Variants in DERPC observed in about 807,000 individuals in gnomAD.
DERPC encodes the protein DERPC proline and glycine rich nuclear protein.
Under a neutral mutation model 7.2 loss-of-function variants are expected in DERPC, and 1 was observed. The observed-to-expected ratio is 0.14, with a 90% CI of 0.05 to 0.66. The LOEUF is 0.66. Among genes scored for constraint, DERPC ranks in the 30% least tolerant of loss-of-function variants. The pLI, the probability that DERPC is intolerant of heterozygous loss-of-function variation, is 0.84. For missense variants in DERPC, 502 were observed against 299.4 expected, an observed-to-expected ratio of 1.68 and a Z score of -4.99; for synonymous variants, 185 against 117.6, an observed-to-expected ratio of 1.57 and a Z score of -3.71.
In DERPC at chr16:69,118,727, C is replaced by G. The variant is rs1366945577; in HGVS notation, c.*127G>C. On this transcript the variant is annotated 3_prime_UTR_variant, in exon 3 of 3. Coordinates refer to ENST00000519520, the MANE Select transcript of DERPC (RefSeq NM_001002847.4). Reference sequence around the variant, plus strand: ...AAAAACGCAAAGGAAAAAGATGGCTCATTTGAACTTGAGCCCAAGCTATGT... The same window carrying G: ...AAAAACGCAAAGGAAAAAGATGGCTGATTTGAACTTGAGCCCAAGCTATGT... The G allele has an allele frequency of 1.6e-6, 1 of 642,006 alleles. No homozygotes were observed. The highest frequency in any genetic ancestry group is 2.8e-6 in the Non-Finnish European group (1 of 357,980). 39.8% of individuals were successfully genotyped at this position (642,006 alleles called of 1,614,324 possible). A position where few individuals can be genotyped will look rare whatever the true frequency, so the allele number is the denominator to read the frequency against.
chr16:69,125,396 T>A (rs189854086), intron 1 of DERPC, among the ~76,000 whole-genome samples: 10 of 152,304 alleles, frequency 6.6e-5, no homozygotes, highest in Admixed American at 2.6e-4. Flanking sequence ...CACTTGCTTG[T>A]ATGTTGGACA....
intron 1 of DERPC, among the ~76,000 whole-genome samples, chr16:69,125,181 G>C (rs1961968967): frequency 1.3e-5 from 2 of 152,140 alleles, no homozygotes; most frequent in African/African-American, 4.8e-5. Flanking sequence ...TGAGATTACA[G>C]GCTTGAGTCA....
At chr16:69,127,595 C>T (rs1322355443) in intron 1 of DERPC, among the ~76,000 whole-genome samples, 5 of 149,066 alleles carry the variant, frequency 3.4e-5, no homozygotes, top group Non-Finnish European at 4.4e-5. Context: ...AGAGCTCTCC[C>T]GGCAACTTTT....
At position 69,118,296 on chromosome 16, in the gene DERPC, A is replaced by G. The variant is rs1961317165; in HGVS notation, c.*558T>C. 1 of 1,102,560 alleles carries G rather than the reference A, an allele frequency of 9.1e-7. No homozygotes were observed. Among genetic ancestry groups the G allele is most frequent in the Non-Finnish European group, 1.4e-6 (1 of 715,206 alleles). The allele number at this position is 1,102,560 out of a possible 1,614,324, so 68.3% of individuals were successfully genotyped here. A position where few individuals can be genotyped will look rare whatever the true frequency, so the allele number is the denominator to read the frequency against. ...TGCAGGCCCAGTCAGTCAAGCAGAA[A>G]CTGCATTCGGTGGGTCTTTCTTTGA... On this transcript the variant is annotated 3_prime_UTR_variant, in exon 3 of 3. Transcript: ENST00000519520.
In DERPC at chr16:69,129,381, C is replaced by T. The variant is rs371575724; in HGVS notation, c.-280+3103G>A. Among the ~76,000 whole-genome samples the T allele has an allele frequency of 2.1e-4, 27 of 129,520 alleles. No individual in the cohort carries two copies. The East Asian group carries it at 6.0e-3, about 29-fold the overall frequency. 85.0% of individuals were successfully genotyped at this position (129,520 alleles called of 152,430 possible). On this transcript the variant is annotated intron_variant, in intron 1 of 2. Coordinates refer to ENST00000519520, the MANE Select transcript of DERPC (RefSeq NM_001002847.4). ...GGAGGCAGAGGTTGCAGTGAGCCGA[C>T]ATCACGCCACTGCACTCCAGCCTAG... is the stretch of plus-strand genomic sequence containing the variant.
Position 69,118,511 on chromosome 16 carries a change from C to A in DERPC, c.*343G>T. Reference sequence around the variant, plus strand: ...GGGACTACATGTGAACTGGGACCTGCAGGCCAATGTATCCCTGAGGAAAAG... The same window carrying A: ...GGGACTACATGTGAACTGGGACCTGAAGGCCAATGTATCCCTGAGGAAAAG... On this transcript the variant is annotated 3_prime_UTR_variant, in exon 3 of 3. Coordinates refer to ENST00000519520, the MANE Select transcript of DERPC (RefSeq NM_001002847.4). 1 of 1,060,436 alleles carries A rather than the reference C, an allele frequency of 9.4e-7. No individual in the cohort carries two copies. Among genetic ancestry groups the A allele is most frequent in the Non-Finnish European group, 1.5e-6 (1 of 674,282 alleles). 65.7% of individuals were successfully genotyped at this position (1,060,436 alleles called of 1,614,324 possible). A position where few individuals can be genotyped will look rare whatever the true frequency, so the allele number is the denominator to read the frequency against.
chr16:69,130,292 A>C (rs1354771481), intron 1 of DERPC, among the ~76,000 whole-genome samples: 1 of 151,728 alleles, frequency 6.6e-6, no homozygotes, highest in African/African-American at 2.4e-5. Context: ...TAATAAAGCT[A>C]AACAACGTTT....
chr16:69,129,664 T>C (rs1278041177), intron 1 of DERPC, among the ~76,000 whole-genome samples: 2 of 152,160 alleles, frequency 1.3e-5, no homozygotes, highest in African/African-American at 4.8e-5. Context: ...AGTGGAGAGC[T>C]GGGATATGAA....
Position 69,132,497 on chromosome 16 carries a change from C to A in DERPC, c.-293G>T. On this transcript the variant is annotated 5_prime_UTR_variant, in exon 1 of 3. Transcript: ENST00000519520. ...CCGCGGCCTGACCTGCAATGGCGGCCGCCGAGCGCGGCGCCGCGCGGCCAA... is the reference window on the plus strand; with the variant it reads ...CCGCGGCCTGACCTGCAATGGCGGCAGCCGAGCGCGGCGCCGCGCGGCCAA... The A allele has an allele frequency of 3.7e-6, 1 of 267,286 alleles. No homozygotes were observed. Among genetic ancestry groups the A allele is most frequent in the Non-Finnish European group, 7.2e-6 (1 of 139,296 alleles). 16.6% of individuals were successfully genotyped at this position (267,286 alleles called of 1,614,324 possible).
At chr16:69,121,017 C>T (rs1271933024) in intron 2 of DERPC, 3 of 1,576,026 alleles carry the variant, frequency 1.9e-6, no homozygotes, top group South Asian at 2.2e-5. Flanking sequence ...GCTTGCTTTC[C>T]TGAGGCATTA....
chr16:69,132,004 C>CTA (rs950722049), intron 1 of DERPC: 3 of 153,092 alleles, frequency 2.0e-5, no homozygotes, highest in Admixed American at 1.3e-4. Context: ...CCGCTACTTC[C>CTA]TAGGTTCCAG....
chr16:69,121,276 G>A, intron 2 of DERPC, 160 bp downstream of exon 2: 5 of 1,299,972 alleles, frequency 3.8e-6, no homozygotes, highest in Non-Finnish European at 4.3e-6. Context: ...TGGATGTCAA[G>A]TTCTTGGGAA....
intron 1 of DERPC, among the ~76,000 whole-genome samples, chr16:69,123,665 C>A (rs996071463): frequency 2.6e-5 from 4 of 152,166 alleles, no homozygotes; most frequent in Admixed American, 2.0e-4. Context: ...ATCAATCAAT[C>A]AATAAATCCA....
chr16:69,129,037 C>T (rs1377175899), intron 1 of DERPC, among the ~76,000 whole-genome samples: 1 of 151,862 alleles, frequency 6.6e-6, no homozygotes, highest in African/African-American at 2.4e-5. Flanking sequence ...GCACTCTAGC[C>T]TGGGTGACAG....
rs759649969 is a variant in DERPC, at chr16:69,120,048, G to GGGGCCT, written c.375_380dup (p.Gly126_Pro127dup). On this transcript the variant is annotated inframe_insertion, in exon 3 of 3. Coordinates refer to ENST00000519520, the MANE Select transcript of DERPC (RefSeq NM_001002847.4). This position sits in a 1 kb window ranked among gnomAD's most constrained non-coding sequence, Gnocchi z 4.0. Reference sequence around the variant, plus strand: ...GAGCCCCTGTCCTAGGGTTTAGGGTGGGGCCTGGGCCTGGGCCTGGCCCCA... The same window carrying GGGGCCT: ...GAGCCCCTGTCCTAGGGTTTAGGGTGGGGCCTGGGCCTGGGCCTGGGCCTGGCCCCA... The GGGGCCT allele has an allele frequency of 1.9e-4, 132 of 689,234 alleles. No individual in the cohort carries two copies. The East Asian group carries it at 2.4e-3, about 13-fold the overall frequency. 42.7% of individuals were successfully genotyped at this position (689,234 alleles called of 1,614,324 possible).
chr16:69,130,488 T>C (rs1318032335), intron 1 of DERPC, among the ~76,000 whole-genome samples: 2 of 152,194 alleles, frequency 1.3e-5, no homozygotes, highest in African/African-American at 4.8e-5. Context: ...GGTGGATACT[T>C]TGTTTACGAA....
intron 1 of DERPC, among the ~76,000 whole-genome samples, chr16:69,127,477 C>A (rs1011076233): frequency 1.3e-5 from 2 of 151,952 alleles, no homozygotes; most frequent in African/African-American, 4.8e-5. Context: ...GTTGTTTGTT[C>A]TAAGATGGGG....
chr16:69,124,526 TGA>T (rs980052322), intron 1 of DERPC, among the ~76,000 whole-genome samples: 1 of 150,680 alleles, frequency 6.6e-6, no homozygotes, highest in Admixed American at 6.6e-5. Context: ...CAGCTTCAAG[TGA>T]TTCTCTTGCC....
chr16:69,126,199 AAGAT>A (rs1962045610), intron 1 of DERPC, among the ~76,000 whole-genome samples: 2 of 152,232 alleles, frequency 1.3e-5, no homozygotes, highest in South Asian at 4.1e-4. Context: ...ATATTCTAGG[AAGAT>A]CAAGGCAGGG....
Sources: gnomAD v4.1 joint callset for allele counts (sites outside exome capture counted in the v4.1 genomes callset) on GRCh38, gnomAD v4.1.1 for gene constraint, Gnocchi (gnomAD v3.1) non-coding constraint, MANE v1.5 for transcripts, NCBI Gene and HGNC (gene_info 2026-07-23, HGNC 2026-07-21) for gene names.